Variants in PLK5 observed in about 807,000 individuals in gnomAD.
The protein encoded by PLK5 is inactive serine/threonine-protein kinase PLK5.
In PLK5, 28 loss-of-function variants were observed where a neutral mutation model predicts 33.7. The observed-to-expected ratio is 0.83, with a 90% CI of 0.62 to 1.14. The LOEUF (loss-of-function observed/expected upper bound fraction) is 1.14. Among genes scored for constraint, PLK5 ranks in the 50% most tolerant of loss-of-function variants. PLK5 has a pLI of 0.00. For missense variants in PLK5, 492 were observed against 461.5 expected, an observed-to-expected ratio of 1.07 and a Z score of -0.61; for synonymous variants, 225 against 202.2, an observed-to-expected ratio of 1.11 and a Z score of -0.96.
intron 12 of PLK5, 194 bp from the exon 13 acceptor site, chr19:1,533,737 C>T (rs968528867): frequency 8.3e-6 from 5 of 605,006 alleles, no homozygotes; most frequent in Admixed American, 2.9e-5. Flanking sequence ...GCTACATGCC[C>T]AACTGCGGGA....
At chr19:1,533,480 T>C (rs147098377) in intron 12 of PLK5, among the ~76,000 whole-genome samples, 34 of 152,224 alleles carry the variant, frequency 2.2e-4, no homozygotes, top group African/African-American at 8.2e-4. Flanking sequence ...GCCTGGGCTG[T>C]GCTGGTGACC....
chr19:1,533,649 G>T, intron 12 of PLK5: 1 of 557,666 alleles, frequency 1.8e-6, no homozygotes, highest in Non-Finnish European at 3.2e-6. Context: ...ATTCCAGGGG[G>T]TGTAGGTCAA....
rs1319457651 is a variant in PLK5, at chr19:1,531,817, T to G, written c.648T>G (p.Phe216Leu). ...KWVDYSSKYG[F>L]GYQLLDGGRT... Reference sequence around the variant, plus strand: ...TGGATTATTCCAGCAAATACGGCTTTGGCTACCAGCTCTTGGACGGGGGGC... The same window carrying G: ...TGGATTATTCCAGCAAATACGGCTTGGGCTACCAGCTCTTGGACGGGGGGC... Residue 216 changes from phenylalanine to leucine, a missense_variant, in exon 12 of 14, where the codon TTT becomes TTG. By Grantham distance (22) the Phe-to-Leu change is conservative. Transcript: ENST00000454744. The G allele has an allele frequency of 1.3e-6, 2 of 1,534,922 alleles. No homozygotes were observed. Among genetic ancestry groups the G allele is most frequent in the Non-Finnish European group, 1.7e-6 (2 of 1,146,324 alleles).
At chr19:1,531,357 C>T (rs1023778877) in intron 11 of PLK5, among the ~76,000 whole-genome samples, 5 of 150,506 alleles carry the variant, frequency 3.3e-5, no homozygotes, top group African/African-American at 9.8e-5. Context: ...TGCAGTGAGC[C>T]GAGATTGCGC....
chr19:1,528,990 G>T lies in PLK5; in HGVS notation c.405+16G>T. 1 of 1,485,508 alleles carries T rather than the reference G, an allele frequency of 6.7e-7. No individual in the cohort carries two copies. Among genetic ancestry groups the T allele is most frequent in the Non-Finnish European group, 8.9e-7 (1 of 1,123,068 alleles). The allele number at this position is 1,485,508 out of a possible 1,614,324, so 92.0% of individuals were successfully genotyped here. ...GGACGGCGAGGTGAGACATCGGGGT[G>T]GGGGACACGGGGAGACACAGGTGGA... On this transcript the variant is annotated intron_variant, in intron 9 of 13. Transcript: ENST00000454744.
chr19:1,525,780 C>G (rs983947310), intron 3 of PLK5, 69 bp downstream of exon 3: 3 of 152,772 alleles, frequency 2.0e-5, no homozygotes, highest in African/African-American at 7.2e-5. Flanking sequence ...CCGTGTCCAT[C>G]TGCACCTCGC....
Position 1,529,554 on chromosome 19 carries a change from G to A in PLK5, c.490+64G>A, listed in dbSNP as rs1056073157. On this transcript the variant is annotated intron_variant, in intron 10 of 13. Coordinates refer to ENST00000454744, the MANE Select transcript of PLK5 (RefSeq NM_001243079.2). ...GGAGGGAGGAATTACAAGTGACAGGGGGACCAAGGCCGTGGCTTACCAGGG... is the reference window on the plus strand; with the variant it reads ...GGAGGGAGGAATTACAAGTGACAGGAGGACCAAGGCCGTGGCTTACCAGGG... 5.3e-5 allele frequency: 78 copies of A among 1,484,218 alleles called. No homozygotes were observed. The Middle Eastern group carries it at 2.1e-3, about 41-fold the overall frequency. 91.9% of individuals were successfully genotyped at this position (1,484,218 alleles called of 1,614,324 possible). A position where few individuals can be genotyped will look rare whatever the true frequency, so the allele number is the denominator to read the frequency against.
At position 1,528,920 on chromosome 19, in the gene PLK5, C is replaced by T; in HGVS notation, c.351C>T (p.Ala117=). ...CAGGCCCCTTCACGCCTAAAGAGGCCTCGGGTCCAGGAGAAGGTGGGCCAG... is the reference window on the plus strand; with the variant it reads ...CAGGCCCCTTCACGCCTAAAGAGGCTTCGGGTCCAGGAGAAGGTGGGCCAG... ...RPPCPFTPKE[A]SGPGEGGPDP... The change falls in exon 9 of 14, where the codon GCC becomes GCT. Residue 117 remains alanine (A), a synonymous_variant. Coordinates refer to ENST00000454744, the MANE Select transcript of PLK5 (RefSeq NM_001243079.2). 1.3e-6 allele frequency: 2 copies of T among 1,516,448 alleles called. No individual in the cohort carries two copies. The highest frequency in any genetic ancestry group is 1.8e-6 in the Non-Finnish European group (2 of 1,137,722). The allele number at this position is 1,516,448 out of a possible 1,614,324, so 93.9% of individuals were successfully genotyped here. A position where few individuals can be genotyped will look rare whatever the true frequency, so the allele number is the denominator to read the frequency against.
Position 1,528,116 on chromosome 19 carries a change from G to A in PLK5, c.183G>A (p.Gln61=), listed in dbSNP as rs895517461. The A allele has an allele frequency of 7.8e-6, 12 of 1,535,550 alleles. No individual in the cohort carries two copies. In the African/African-American group the frequency reaches 1.5e-4, roughly 19 times the overall value. Residue 61 remains glutamine (Q), a synonymous_variant, in exon 7 of 14, where the codon CAG becomes CAA. Coordinates refer to ENST00000454744, the MANE Select transcript of PLK5 (RefSeq NM_001243079.2). ...AERPSLDHLL[Q]DDFFTQGFTP... is the part of the protein sequence containing the mutation. ...GGCCCAGCCTGGACCACCTGCTGCA[G>A]GACGACTTCTTCACACAGGTGGGCG...
chr19:1,528,395 G>A lies in PLK5; in HGVS notation c.295G>A (p.Gly99Ser), dbSNP rs1237286501. 3 of 1,535,404 alleles carry A rather than the reference G, an allele frequency of 2.0e-6. No individual in the cohort carries two copies. The change falls in exon 8 of 14, where the codon GGC becomes AGC. Residue 99 changes from glycine (G) to serine (S), a missense_variant. Transcript: ENST00000454744. The part of the protein sequence containing the change: ...PPLGRIFRKV[G>S]QRLLTQCRPP... Reference sequence around the variant, plus strand: ...TCTGGGCAGGATCTTCCGGAAGGTGGGCCAGCGGCTGCTCACCCAGTGCCG... The same window carrying A: ...TCTGGGCAGGATCTTCCGGAAGGTGAGCCAGCGGCTGCTCACCCAGTGCCG...
rs747619732 is a variant in PLK5 at position 1,535,236 on chromosome 19, C to T, written c.997C>T (p.Leu333=). Residue 333 remains leucine (L), a synonymous_variant, in exon 14 of 14, where the codon CTG becomes TTG. Transcript: ENST00000454744. ...GQHLHHALRM[L]QSI is the part of the protein sequence containing the mutation. ...GCACCTTCACCACGCCCTCCGCATG[C>T]TGCAGAGTATCTAGTGCCCCTGAGG... The T allele has an allele frequency of 6.5e-7, 1 of 1,535,828 alleles. No homozygotes were observed. The highest frequency in any genetic ancestry group is 1.2e-5 in the South Asian group (1 of 84,040).
chr19:1,529,044 T>TC, intron 9 of PLK5, 70 bp downstream of exon 9: 1 of 1,330,844 alleles, frequency 7.5e-7, no homozygotes, highest in African/African-American at 1.5e-5. Context: ...TAAAACCCCC[T>TC]CCCCCATGCC....
At chr19:1,528,175 C>A (rs1249502642) in intron 7 of PLK5, 41 bp downstream of exon 7, 2 of 1,529,420 alleles carry the variant, frequency 1.3e-6, no homozygotes, top group Non-Finnish European at 8.8e-7. Context: ...GGCGTGGGGT[C>A]CCTGGCAGGT....
Position 1,535,301 on chromosome 19 carries a change from G to T in PLK5, c.*51G>T, listed in dbSNP as rs907411655. The T allele has an allele frequency of 5.4e-6, 8 of 1,486,022 alleles. No homozygotes were observed. In the Admixed American group the frequency reaches 1.2e-4, roughly 22 times the overall value. The allele number at this position is 1,486,022 out of a possible 1,614,324, so 92.1% of individuals were successfully genotyped here. ...CTGCATGGTAGTGCCAGGGACCCAG[G>T]CTCCATTTCCATTCCTGTGGCTCCC... On this transcript the variant is annotated 3_prime_UTR_variant, in exon 14 of 14. Transcript: ENST00000454744.
At chr19:1,532,018 A>G in intron 12 of PLK5, 135 bp downstream of exon 12, 1 of 1,038,872 alleles carries the variant, frequency 9.6e-7, no homozygotes, top group Non-Finnish European at 1.3e-6. Flanking sequence ...GAACAACACT[A>G]AACGAATCAG....
rs1205623400 is a variant in PLK5 at position 1,524,713 on chromosome 19, GTTGTGTGTTCATGTGGTGTGCTTGTGTGT to G, written c.-544+480_-544+508del. Among the ~76,000 whole-genome samples, 2 of 151,762 alleles carry G rather than the reference GTTGTGTGTTCATGTGGTGTGCTTGTGTGT, an allele frequency of 1.3e-5. No homozygotes were observed. The highest frequency in any genetic ancestry group is 2.9e-5 in the Non-Finnish European group (2 of 67,938). On this transcript the variant is annotated intron_variant, in intron 1 of 13. Coordinates refer to ENST00000454744, the MANE Select transcript of PLK5 (RefSeq NM_001243079.2). This position sits in a 1 kb window ranked among gnomAD's most constrained non-coding sequence, Gnocchi z 4.5. ...CAGTCATTGTGTTGTGTGTCTGGGT[GTTGTGTGTTCATGTGGTGTGCTTGTGTGT>G]TTGTGTGTTCATATGTGGTGTGTCT...
intron 12 of PLK5, among the ~76,000 whole-genome samples, chr19:1,533,510 T>C (rs921965423): frequency 2.0e-5 from 3 of 151,968 alleles, no homozygotes; most frequent in Non-Finnish European, 4.4e-5. Context: ...TGAGAGGGGC[T>C]GCAGTGTGGA....
intron 11 of PLK5, among the ~76,000 whole-genome samples, chr19:1,530,261 G>A (rs908510475): frequency 2.6e-5 from 4 of 151,814 alleles, no homozygotes; most frequent in African/African-American, 9.7e-5. Flanking sequence ...CAAACCCCAC[G>A]CCAGGTCTCC....
At chr19:1,533,099 C>T (rs149944108) in intron 12 of PLK5, among the ~76,000 whole-genome samples, 3,137 of 152,224 alleles carry the variant, frequency 0.021, 106 homozygotes, top group African/African-American at 0.072. Flanking sequence ...TGCACCACTG[C>T]GCTCCAGCCT....
Sources: gnomAD v4.1 joint callset for allele counts (sites outside exome capture counted in the v4.1 genomes callset) on GRCh38, gnomAD v4.1.1 for gene constraint, Gnocchi (gnomAD v3.1) non-coding constraint, MANE v1.5 for transcripts, NCBI Gene and HGNC (gene_info 2026-07-23, HGNC 2026-07-21) for gene names.